Variants in GALNT17 observed in about 807,000 individuals in gnomAD.
GALNT17 encodes polypeptide N-acetylgalactosaminyltransferase 17, also known as UDP-GalNAc:polypeptide N-acetylgalactosaminyltransferase-like 3.
GALNT17 carries 29 observed loss-of-function variants against 63.7 expected under a neutral mutation model. The ratio of observed to expected loss-of-function variants is 0.46; its 90% CI spans 0.34 to 0.62. The LOEUF (loss-of-function observed/expected upper bound fraction) is 0.62. Among genes scored for constraint, GALNT17 ranks in the 20% least tolerant of loss-of-function variants. The pLI is 0.01. For missense variants in GALNT17, 603 were observed against 799.6 expected (o/e 0.75, Z 2.97); for synonymous variants, 305 against 318.3 (o/e 0.96, Z 0.45).
At chr7:71,679,885 TTTCC>T (rs1283099598) in intron 9 of GALNT17, among the ~76,000 whole-genome samples, 81 of 142,742 alleles carry the variant, frequency 5.7e-4, no homozygotes, top group African/African-American at 2.1e-3. Context: ...TTTTTTTCTT[TTTCC>T]CTCCCTCCCT....
At chr7:71,376,437 T>G (rs1027558835) in intron 2 of GALNT17, among the ~76,000 whole-genome samples, 3 of 143,566 alleles carry the variant, frequency 2.1e-5, no homozygotes, top group Non-Finnish European at 4.6e-5. Context: ...TTTTTTTTTT[T>G]TTTTTTTTTT....
Position 71,148,860 on chromosome 7 carries a change from T to TATATATATATATATATATA in GALNT17, c.238+15820_238+15821insATATATATATATATATATA, listed in dbSNP as rs1554333242. On this transcript the variant is annotated intron_variant, in intron 1 of 10. Coordinates refer to ENST00000333538, the MANE Select transcript of GALNT17 (RefSeq NM_022479.3). Reference sequence around the variant, plus strand: ...GAAATACAGTAGTATTATGGTATTTTTATATATATATATATATATATATAT... The same window carrying TATATATATATATATATATA: ...GAAATACAGTAGTATTATGGTATTTTATATATATATATATATATATATATATATATATATATATATATAT... Among the ~76,000 whole-genome samples the TATATATATATATATATATA allele has an allele frequency of 1.1e-3, 114 of 103,114 alleles. 1 individual carries two copies. Among genetic ancestry groups the TATATATATATATATATATA allele is most frequent in the Middle Eastern group, 6.0e-3 (1 of 166 alleles). 67.6% of individuals were successfully genotyped at this position (103,114 alleles called of 152,430 possible).
In GALNT17 at chr7:71,185,017, TCCTTCCTTCCTTCCTCTTCTCTTCCTCCC is replaced by T. The variant is rs1388301423; in HGVS notation, c.238+51981_238+52009del. On this transcript the variant is annotated intron_variant, in intron 1 of 10. Transcript: ENST00000333538. Reference sequence around the variant, plus strand: ...CTTCCTTCTTCCTTCCCTCCCTCCCTCCTTCCTTCCTTCCTCTTCTCTTCCTCCCCCTCCTCCTCCTCCTTCTGCTTCTT... The same window carrying T: ...CTTCCTTCTTCCTTCCCTCCCTCCCTCCTCCTCCTCCTCCTTCTGCTTCTT... Among the ~76,000 whole-genome samples, 19 of 118,114 alleles carry T rather than the reference TCCTTCCTTCCTTCCTCTTCTCTTCCTCCC, an allele frequency of 1.6e-4. 1 individual carries two copies. The highest frequency in any genetic ancestry group is 8.2e-4 in the African/African-American group (18 of 22,014). The allele number at this position is 118,114 out of a possible 152,430, so 77.5% of individuals were successfully genotyped here.
At chr7:71,521,668 C>T (rs1788533529) in intron 5 of GALNT17, among the ~76,000 whole-genome samples, 1 of 152,178 alleles carries the variant, frequency 6.6e-6, no homozygotes, top group Non-Finnish European at 1.5e-5. Context: ...CGCCCAGGCC[C>T]TGAGCCCAGT....
intron 6 of GALNT17, among the ~76,000 whole-genome samples, chr7:71,603,408 GGATACTATGCTAAGTGCATATACCA>G (rs1789996589): frequency 1.3e-5 from 2 of 151,402 alleles, no homozygotes; most frequent in African/African-American, 4.9e-5. Flanking sequence ...TGCGTACTCT[GGATACTATGCTAAGTGCATATACCA>G]GATACTATGC....
chr7:71,276,540 T>A (rs147602984), intron 1 of GALNT17, among the ~76,000 whole-genome samples: 107 of 152,200 alleles, frequency 7.0e-4, no homozygotes, highest in African/African-American at 2.4e-3. Flanking sequence ...AGTGAATAAG[T>A]CTTATGAGAT....
chr7:71,153,195 A>G (rs1788164865), intron 1 of GALNT17, among the ~76,000 whole-genome samples: 1 of 152,210 alleles, frequency 6.6e-6, no homozygotes, highest in African/African-American at 2.4e-5. Flanking sequence ...GGCTTTGGAA[A>G]AAATCACCTA....
intron 1 of GALNT17, among the ~76,000 whole-genome samples, chr7:71,162,642 C>T (rs1316122075): frequency 6.6e-6 from 1 of 152,228 alleles, no homozygotes; most frequent in Non-Finnish European, 1.5e-5. Context: ...ATCCATTCAT[C>T]CATGGATACC....
chr7:71,255,235 T>G (rs1463627775), intron 1 of GALNT17, among the ~76,000 whole-genome samples: 1 of 152,208 alleles, frequency 6.6e-6, no homozygotes, highest in Non-Finnish European at 1.5e-5. Context: ...GGGAGGTAAC[T>G]GAATCATGCG....
chr7:71,152,790 G>A (rs1390041350), intron 1 of GALNT17, among the ~76,000 whole-genome samples: 1 of 151,822 alleles, frequency 6.6e-6, no homozygotes, highest in Non-Finnish European at 1.5e-5. Flanking sequence ...CTGCCACCAT[G>A]CCCAGCTAAT....
At chr7:71,469,908 C>G (rs1787599684) in intron 5 of GALNT17, among the ~76,000 whole-genome samples, 1 of 152,210 alleles carries the variant, frequency 6.6e-6, no homozygotes, top group Non-Finnish European at 1.5e-5. Flanking sequence ...AGTACCCTTA[C>G]ATTTAAGATT....
At chr7:71,413,336 C>T (rs1793463515) in intron 3 of GALNT17, among the ~76,000 whole-genome samples, 1 of 151,986 alleles carries the variant, frequency 6.6e-6, no homozygotes, top group African/African-American at 2.4e-5. Flanking sequence ...GCCTCATTTA[C>T]CTTATAATAT....
chr7:71,391,626 G>A (rs1793052850), intron 3 of GALNT17, among the ~76,000 whole-genome samples: 1 of 152,028 alleles, frequency 6.6e-6, no homozygotes, highest in African/African-American at 2.4e-5. Context: ...GGGACCACAG[G>A]CATGTGCCAT....
intron 6 of GALNT17, among the ~76,000 whole-genome samples, chr7:71,613,072 A>G (rs1357406566): frequency 6.6e-6 from 1 of 152,160 alleles, no homozygotes; most frequent in Non-Finnish European, 1.5e-5. Context: ...ATCCAAGCCA[A>G]CACTGGTTGT....
At chr7:71,686,668 G>A (rs1011227155) in intron 9 of GALNT17, among the ~76,000 whole-genome samples, 3 of 152,094 alleles carry the variant, frequency 2.0e-5, no homozygotes, top group African/African-American at 4.8e-5. Flanking sequence ...GGGATGATAG[G>A]TATAAGCCAG....
At chr7:71,454,610 A>C (rs1311077536) in intron 5 of GALNT17, among the ~76,000 whole-genome samples, 1 of 152,168 alleles carries the variant, frequency 6.6e-6, no homozygotes, top group East Asian at 1.9e-4. Context: ...GGTAACAAGA[A>C]TTTATGCTGA....
At chr7:71,411,745 T>C (rs73362092) in intron 3 of GALNT17, among the ~76,000 whole-genome samples, 6,933 of 152,276 alleles carry the variant, frequency 0.046, 562 homozygotes, top group African/African-American at 0.16. Flanking sequence ...TCACTGGTAC[T>C]ATCAGGGGCC....
At chr7:71,554,142 G>C (rs1246404635) in intron 5 of GALNT17, among the ~76,000 whole-genome samples, 1 of 152,152 alleles carries the variant, frequency 6.6e-6, no homozygotes, top group East Asian at 1.9e-4. Context: ...CTAGTTCTTT[G>C]CTTCCTGATA....
At chr7:71,389,136 T>C (rs1219777446) in intron 3 of GALNT17, among the ~76,000 whole-genome samples, 1 of 151,600 alleles carries the variant, frequency 6.6e-6, no homozygotes, top group Non-Finnish European at 1.5e-5. Flanking sequence ...GTTGTACCCC[T>C]GCCCTTTTTT....
Sources: gnomAD v4.1 joint callset for allele counts (sites outside exome capture counted in the v4.1 genomes callset) on GRCh38, gnomAD v4.1.1 for gene constraint, MANE v1.5 for transcripts, NCBI Gene and HGNC (gene_info 2026-07-23, HGNC 2026-07-21) for gene names.